Variants in TAS2R8 observed in about 807,000 individuals in gnomAD.
TAS2R8 encodes the protein taste receptor type 2 member 8.
For missense variants in TAS2R8, 396 were observed against 358.1 expected (o/e 1.11, Z -0.85); for synonymous variants, 139 against 123.9 (o/e 1.12, Z -0.81).
rs147209838 is a variant in TAS2R8 at position 10,806,611 on chromosome 12, A to G, written c.370T>C (p.Trp124Arg). 19 of 1,613,830 alleles carry G rather than the reference A, an allele frequency of 1.2e-5. No individual in the cohort carries two copies. Among genetic ancestry groups the G allele is most frequent in the Non-Finnish European group, 1.5e-5 (18 of 1,179,918 alleles). Residue 124 changes from tryptophan (W) to arginine (R), a missense_variant, in exon 1 of 1, where the codon TGG becomes CGG. Trp to Arg is a moderately radical substitution (Grantham distance 101, BLOSUM62 -3). Coordinates refer to ENST00000240615, the MANE Select transcript of TAS2R8 (RefSeq NM_023918.3). ...SSHPLFLWLKWKIDMVVHWIL... is the reference protein window; with the variant it reads ...SSHPLFLWLKRKIDMVVHWIL... ...CAGTGCACCACCATATCAATTTTCC[A>G]CTTCAGCCAGAGAAAAAGTGGATGA...
Position 10,807,172 on chromosome 12 carries a change from G to T in TAS2R8, c.-192C>A. On this transcript the variant is annotated 5_prime_UTR_variant, in exon 1 of 1. Coordinates refer to ENST00000240615, the MANE Select transcript of TAS2R8 (RefSeq NM_023918.3). Reference sequence around the variant, plus strand: ...ATAGGATTGTCTCTACACTCCTGAAGATGAAACCAACTAATGAGCAGCTTG... The same window carrying T: ...ATAGGATTGTCTCTACACTCCTGAATATGAAACCAACTAATGAGCAGCTTG... 1 of 521,194 alleles carries T rather than the reference G, an allele frequency of 1.9e-6. No homozygotes were observed. The highest frequency in any genetic ancestry group is 3.3e-6 in the Non-Finnish European group (1 of 302,430). The allele number at this position is 521,194 out of a possible 1,614,324, so 32.3% of individuals were successfully genotyped here.
Position 10,806,098 on chromosome 12 carries a change from T to A in TAS2R8, c.883A>T (p.Thr295Ser). The change falls in exon 1 of 1, where the codon ACA (threonine) becomes TCA (serine). Residue 295 changes from threonine to serine, a missense_variant. By Grantham distance (58) the Thr-to-Ser change is moderately conservative. Coordinates refer to ENST00000240615, the MANE Select transcript of TAS2R8 (RefSeq NM_023918.3). The part of the protein sequence containing the change: ...LIVLNNKLRQ[T>S]FVRMLTCRKI... ...CTACATGTCAGCATTCTGACAAATG[T>A]CTGCCTCAGTTTATTATTTAAAACA... is the stretch of plus-strand genomic sequence containing the variant. 6.2e-7 allele frequency: 1 copy of A among 1,608,396 alleles called. No individual in the cohort carries two copies. Among genetic ancestry groups the A allele is most frequent in the Non-Finnish European group, 8.5e-7 (1 of 1,178,460 alleles).
In TAS2R8 at chr12:10,806,794, C is replaced by G. The variant is rs749167196; in HGVS notation, c.187G>C (p.Val63Leu). The change falls in exon 1 of 1, where the codon GTT becomes CTT. Residue 63 changes from valine (V) to leucine (L), a missense_variant. Coordinates refer to ENST00000240615, the MANE Select transcript of TAS2R8 (RefSeq NM_023918.3). The stretch of plus-strand genomic sequence containing the variant: ...AGTACTATTACAATGCCATTTACAA[C>G]CATTACACTGATCAAACAAATTCTG... ...IARICLISVM[V>L]VNGIVIVLNP... 1.9e-6 allele frequency: 3 copies of G among 1,613,888 alleles called. No homozygotes were observed. The highest frequency in any genetic ancestry group is 2.5e-6 in the Non-Finnish European group (3 of 1,179,892).
Position 10,806,522 on chromosome 12 carries a change from A to T in TAS2R8, c.459T>A (p.Ser153Arg). ...LVSLIAAIVL[S>R]CDYRFHAIAK... ...CAATTGCATGAAACCTATAATCACA[A>T]CTCAGTACTATTGCTGCTATAAGGC... Residue 153 changes from serine to arginine, a missense_variant, in exon 1 of 1, where the codon AGT (serine) becomes AGA (arginine). Ser to Arg is a moderately radical substitution (Grantham distance 110). Coordinates refer to ENST00000240615, the MANE Select transcript of TAS2R8 (RefSeq NM_023918.3). 2.5e-6 allele frequency: 4 copies of T among 1,613,830 alleles called. No homozygotes were observed. Among genetic ancestry groups the T allele is most frequent in the Non-Finnish European group, 3.4e-6 (4 of 1,179,904 alleles).
At position 10,806,894 on chromosome 12, in the gene TAS2R8, T is replaced by G. The variant is rs1948730188; in HGVS notation, c.87A>C (p.Leu29=). 1 of 1,612,994 alleles carries G rather than the reference T, an allele frequency of 6.2e-7. No individual in the cohort carries two copies. Among genetic ancestry groups the G allele is most frequent in the African/African-American group, 1.3e-5 (1 of 74,918 alleles). ...LGILGNGYIA[L]VNWIDWIKKK... ...TCTTAATCCAGTCAATCCAGTTGAC[T>G]AGTGCAATGTATCCATTCCCCAATA... Residue 29 remains leucine (L), a synonymous_variant, in exon 1 of 1, where the codon CTA becomes CTC. Transcript: ENST00000240615.
Position 10,806,137 on chromosome 12 carries a change from A to C in TAS2R8, c.844T>G (p.Ser282Ala). The C allele has an allele frequency of 1.2e-6, 2 of 1,612,910 alleles. No individual in the cohort carries two copies. The highest frequency in any genetic ancestry group is 1.7e-6 in the Non-Finnish European group (2 of 1,179,650). Residue 282 changes from serine to alanine, a missense_variant, in exon 1 of 1, where the codon TCA (serine) becomes GCA (alanine). Physicochemically the swap from Ser to Ala is moderately conservative, Grantham distance 99. Transcript: ENST00000240615. ...IAAILYPLGH[S>A]LILIVLNNKL... ...TTATTTAAAACAATTAAAATAAGTGAGTGACCCAAGGGGTAGAGAATTGCT... is the reference window on the plus strand; with the variant it reads ...TTATTTAAAACAATTAAAATAAGTGCGTGACCCAAGGGGTAGAGAATTGCT...
rs1203053488 is a variant in TAS2R8 at position 10,806,205 on chromosome 12, A to C, written c.776T>G (p.Leu259Arg). 1 of 1,613,636 alleles carries C rather than the reference A, an allele frequency of 6.2e-7. No individual in the cohort carries two copies. Among genetic ancestry groups the C allele is most frequent in the Non-Finnish European group, 8.5e-7 (1 of 1,179,816 alleles). ...CACAGCTAACTTGTATTTTGTCATA[A>C]GATAGCTAAAGGTCATCAAAATAGA... is the stretch of plus-strand genomic sequence containing the variant. ...ISSILMTFSY[L>R]MTKYKLAVEF... is the part of the protein sequence containing the mutation. Residue 259 changes from leucine to arginine, a missense_variant, in exon 1 of 1, where the codon CTT (leucine) becomes CGT (arginine). Leu to Arg is a moderately radical substitution (Grantham distance 102). Transcript: ENST00000240615.
rs748441022 is a variant in TAS2R8 at position 10,806,338 on chromosome 12, T to C, written c.643A>G (p.Ile215Val). 6.2e-7 allele frequency: 1 copy of C among 1,613,780 alleles called. No individual in the cohort carries two copies. The highest frequency in any genetic ancestry group is 8.5e-7 in the Non-Finnish European group (1 of 1,179,906). Residue 215 changes from isoleucine to valine, a missense_variant, in exon 1 of 1, where the codon ATA (isoleucine) becomes GTA (valine). Coordinates refer to ENST00000240615, the MANE Select transcript of TAS2R8 (RefSeq NM_023918.3). ...VRSLWRHTKQ[I>V]KLYATGSRDP... ...CTACTGCCGGTAGCATAGAGTTTTA[T>C]TTGCTTGGTATGTCTCCATAAAGAT...
chr12:10,806,787 T>C lies in TAS2R8; in HGVS notation c.194A>G (p.Asn65Ser), dbSNP rs763831441. 7 of 1,613,942 alleles carry C rather than the reference T, an allele frequency of 4.3e-6. No homozygotes were observed. The highest frequency in any genetic ancestry group is 5.9e-6 in the Non-Finnish European group (7 of 1,179,912). ...TGGGTTCAGTACTATTACAATGCCA[T>C]TTACAACCATTACACTGATCAAACA... ...RICLISVMVV[N>S]GIVIVLNPDV... The change falls in exon 1 of 1, where the codon AAT becomes AGT. Residue 65 changes from asparagine (N) to serine (S), a missense_variant. Coordinates refer to ENST00000240615, the MANE Select transcript of TAS2R8 (RefSeq NM_023918.3).
In TAS2R8 at chr12:10,806,292, T is replaced by C. The variant is rs1398101133; in HGVS notation, c.689A>G (p.His230Arg). Residue 230 changes from histidine (H) to arginine (R), a missense_variant, in exon 1 of 1, where the codon CAT becomes CGT. His to Arg is a conservative substitution (Grantham distance 29). Coordinates refer to ENST00000240615, the MANE Select transcript of TAS2R8 (RefSeq NM_023918.3). ...AGTCATAGTTTTAATGGCTCTCACATGAACTTCTGTGCTGGGGTCTCTACT... is the reference window on the plus strand; with the variant it reads ...AGTCATAGTTTTAATGGCTCTCACACGAACTTCTGTGCTGGGGTCTCTACT... ...TGSRDPSTEVHVRAIKTMTSF... is the reference protein window; with the variant it reads ...TGSRDPSTEVRVRAIKTMTSF... 1 of 1,613,624 alleles carries C rather than the reference T, an allele frequency of 6.2e-7. No homozygotes were observed. The highest frequency in any genetic ancestry group is 8.5e-7 in the Non-Finnish European group (1 of 1,179,860).
chr12:10,806,546 G>A lies in TAS2R8; in HGVS notation c.435C>T (p.Ser145=), dbSNP rs1948725724. 2 of 1,613,798 alleles carry A rather than the reference G, an allele frequency of 1.2e-6. No individual in the cohort carries two copies. Among genetic ancestry groups the A allele is most frequent in the East Asian group, 4.5e-5 (2 of 44,858 alleles). ...LGCFAISLLV[S]LIAAIVLSCD... ...AACTCAGTACTATTGCTGCTATAAG[G>A]CTGACCAACAAGGAAATGGCAAAGC... The change falls in exon 1 of 1, where the codon AGC becomes AGT. Residue 145 remains serine (S), a synonymous_variant. Transcript: ENST00000240615.
In TAS2R8 at chr12:10,806,426, G is replaced by A; in HGVS notation, c.555C>T (p.Leu185=). Residue 185 remains leucine (L), a synonymous_variant, in exon 1 of 1, where the codon CTC becomes CTT. Coordinates refer to ENST00000240615, the MANE Select transcript of TAS2R8 (RefSeq NM_023918.3). ...ATGGGACAATTGCAAACAGGTTAAA[G>A]AGAGTCAAGGGTTCAAAGTATGGTA... ...SKIPYFEPLT[L]FNLFAIVPFI... is the part of the protein sequence containing the mutation. The A allele has an allele frequency of 6.2e-7, 1 of 1,613,778 alleles. No homozygotes were observed. The highest frequency in any genetic ancestry group is 8.5e-7 in the Non-Finnish European group (1 of 1,179,832).
rs772676229 is a variant in TAS2R8 at position 10,806,346 on chromosome 12, G to C, written c.635C>G (p.Thr212Ser). The part of the protein sequence containing the change: ...FLLVRSLWRH[T>S]KQIKLYATGS... ...GGTAGCATAGAGTTTTATTTGCTTG[G>C]TATGTCTCCATAAAGATCTTACTAA... Residue 212 changes from threonine to serine, a missense_variant, in exon 1 of 1, where the codon ACC becomes AGC. Coordinates refer to ENST00000240615, the MANE Select transcript of TAS2R8 (RefSeq NM_023918.3). 5.0e-6 allele frequency: 8 copies of C among 1,613,744 alleles called. No individual in the cohort carries two copies. The highest frequency in any genetic ancestry group is 6.8e-6 in the Non-Finnish European group (8 of 1,179,900).
At position 10,806,143 on chromosome 12, in the gene TAS2R8, C is replaced by T; in HGVS notation, c.838G>A (p.Gly280Ser). ...AAAACAATTAAAATAAGTGAGTGAC[C>T]CAAGGGGTAGAGAATTGCTGCAATC... ...GEIAAILYPL[G>S]HSLILIVLNN... is the part of the protein sequence containing the mutation. Residue 280 changes from glycine to serine, a missense_variant, in exon 1 of 1, where the codon GGT becomes AGT. Transcript: ENST00000240615. 6.2e-7 allele frequency: 1 copy of T among 1,613,134 alleles called. No individual in the cohort carries two copies. The highest frequency in any genetic ancestry group is 1.1e-5 in the South Asian group (1 of 91,002).
At position 10,807,138 on chromosome 12, in the gene TAS2R8, T is replaced by C; in HGVS notation, c.-158A>G. 1 of 636,870 alleles carries C rather than the reference T, an allele frequency of 1.6e-6. No homozygotes were observed. Among genetic ancestry groups the C allele is most frequent in the Non-Finnish European group, 2.6e-6 (1 of 380,868 alleles). 39.5% of individuals were successfully genotyped at this position (636,870 alleles called of 1,614,324 possible). ...TTATTCTTCCGGAAGTGTTCAGCTC[T>C]CCTCTGAAATAGGATTGTCTCTACA... On this transcript the variant is annotated 5_prime_UTR_variant, in exon 1 of 1. Coordinates refer to ENST00000240615, the MANE Select transcript of TAS2R8 (RefSeq NM_023918.3).
chr12:10,806,160 G>A lies in TAS2R8; in HGVS notation c.821C>T (p.Ala274Val), dbSNP rs1948720900. The change falls in exon 1 of 1, where the codon GCA becomes GTA. Residue 274 changes from alanine (A) to valine (V), a missense_variant. By Grantham distance (64) the Ala-to-Val change is moderately conservative (BLOSUM62 0). Coordinates refer to ENST00000240615, the MANE Select transcript of TAS2R8 (RefSeq NM_023918.3). ...TGAGTGACCCAAGGGGTAGAGAATT[G>A]CTGCAATCTCTCCAAACTCCACAGC... ...KLAVEFGEIAAILYPLGHSLI... is the reference protein window; with the variant it reads ...KLAVEFGEIAVILYPLGHSLI... 6.2e-7 allele frequency: 1 copy of A among 1,613,372 alleles called. No homozygotes were observed. The highest frequency in any genetic ancestry group is 8.5e-7 in the Non-Finnish European group (1 of 1,179,678).
rs763662512 is a variant in TAS2R8, at chr12:10,806,775, A to C, written c.206T>G (p.Ile69Arg). ...ISVMVVNGIV[I>R]VLNPDVYTKN... ...TGTATAAACATCTGGGTTCAGTACT[A>C]TTACAATGCCATTTACAACCATTAC... The change falls in exon 1 of 1, where the codon ATA (isoleucine) becomes AGA (arginine). Residue 69 changes from isoleucine (I) to arginine (R), a missense_variant. Coordinates refer to ENST00000240615, the MANE Select transcript of TAS2R8 (RefSeq NM_023918.3). 6.2e-7 allele frequency: 1 copy of C among 1,613,914 alleles called. No individual in the cohort carries two copies. Among genetic ancestry groups the C allele is most frequent in the Admixed American group, 1.7e-5 (1 of 59,972 alleles).
chr12:10,806,341 G>T lies in TAS2R8; in HGVS notation c.640C>A (p.Gln214Lys), dbSNP rs1459641779. The T allele has an allele frequency of 1.2e-6, 2 of 1,613,586 alleles. No homozygotes were observed. The highest frequency in any genetic ancestry group is 2.7e-5 in the African/African-American group (2 of 74,872). ...LVRSLWRHTK[Q>K]IKLYATGSRD... The stretch of plus-strand genomic sequence containing the variant: ...CTGCCGGTAGCATAGAGTTTTATTT[G>T]CTTGGTATGTCTCCATAAAGATCTT... The change falls in exon 1 of 1, where the codon CAA becomes AAA. Residue 214 changes from glutamine (Q) to lysine (K), a missense_variant. Transcript: ENST00000240615.
In TAS2R8 at chr12:10,806,234, A is replaced by G; in HGVS notation, c.747T>C (p.Ile249=). The G allele has an allele frequency of 1.2e-6, 2 of 1,613,164 alleles. No individual in the cohort carries two copies. The highest frequency in any genetic ancestry group is 1.7e-6 in the Non-Finnish European group (2 of 1,179,698). ...SFIFFFFLYY[I]SSILMTFSYL... is the part of the protein sequence containing the mutation. The stretch of plus-strand genomic sequence containing the variant: ...AGCTAAAGGTCATCAAAATAGAAGA[A>G]ATATAGTATAGGAAAAAAAAGAAGA... The change falls in exon 1 of 1, where the codon ATT becomes ATC. Residue 249 remains isoleucine (I), a synonymous_variant. Coordinates refer to ENST00000240615, the MANE Select transcript of TAS2R8 (RefSeq NM_023918.3).
Sources: allele counts gnomAD v4.1 joint callset, GRCh38; gene constraint gnomAD v4.1.1; transcripts MANE v1.5; gene names NCBI Gene and HGNC (gene_info 2026-07-23, HGNC 2026-07-21).